The following ETV6 variants were observed in gnomAD, a reference collection of about 807,000 sequenced individuals.
ETV6 encodes ETS variant transcription factor 6, also known as transcription factor ETV6.
Under a neutral mutation model 51.1 loss-of-function variants are expected in ETV6, and 16 were observed. That is an observed-to-expected ratio of 0.31 (90% CI 0.21 to 0.48). ETV6 has a LOEUF of 0.48. Among genes scored for constraint, ETV6 ranks in the 20% least tolerant of loss-of-function variants. The pLI is 0.99. For missense variants in ETV6, 458 were observed against 594.8 expected (o/e 0.77, Z 2.39); for synonymous variants, 240 against 224.1 (o/e 1.07, Z -0.64).
intron 2 of ETV6, among the ~76,000 whole-genome samples, chr12:11,795,195 A>G (rs1945657747): frequency 6.6e-6 from 1 of 152,264 alleles, no homozygotes; most frequent in Admixed American, 6.5e-5. Context: ...TATAATATTT[A>G]TAAAAATAAA....
At chr12:11,684,356 T>C (rs1237538658) in intron 1 of ETV6, among the ~76,000 whole-genome samples, 1 of 152,246 alleles carries the variant, frequency 6.6e-6, no homozygotes, top group Non-Finnish European at 1.5e-5. Flanking sequence ...AAACATATTA[T>C]TTGTGTTTTT....
At chr12:11,747,352 G>T (rs1054447778) in intron 1 of ETV6, among the ~76,000 whole-genome samples, 5 of 152,188 alleles carry the variant, frequency 3.3e-5, no homozygotes, top group Non-Finnish European at 5.9e-5. Flanking sequence ...AAGAAAGCCA[G>T]CTTGGGCCCC....
intron 1 of ETV6, among the ~76,000 whole-genome samples, chr12:11,706,534 C>T (rs1461670594): frequency 1.3e-5 from 2 of 152,218 alleles, no homozygotes; most frequent in African/African-American, 4.8e-5. Context: ...CAGTGTGCTC[C>T]GAGCTTCCAT....
At chr12:11,751,811 T>C (rs768191509) in intron 1 of ETV6, 3 of 504,018 alleles carry the variant, frequency 6.0e-6, no homozygotes, top group Admixed American at 2.0e-5. Context: ...CAAGGAGATA[T>C]TCATTATTGT....
At chr12:11,754,194 C>T (rs2051526) in intron 2 of ETV6, among the ~76,000 whole-genome samples, 15,871 of 152,210 alleles carry the variant, frequency 0.1, 1,187 homozygotes, top group East Asian at 0.3. Context: ...TTATTCATCT[C>T]ACAAATAGTT....
intron 1 of ETV6, among the ~76,000 whole-genome samples, chr12:11,720,998 CA>C (rs1295815028): frequency 7.9e-5 from 12 of 152,016 alleles, no homozygotes; most frequent in Non-Finnish European, 1.6e-4. Context: ...CAGAGAAATG[CA>C]AATCAAAGCC....
chr12:11,792,469 A>G (rs997467237), intron 2 of ETV6, among the ~76,000 whole-genome samples: 1 of 151,988 alleles, frequency 6.6e-6, no homozygotes, highest in African/African-American at 2.4e-5. Context: ...TGGGTGGATC[A>G]TGAGGTCAGG....
At chr12:11,846,314 T>C (rs547336277) in intron 3 of ETV6, among the ~76,000 whole-genome samples, 4 of 152,004 alleles carry the variant, frequency 2.6e-5, no homozygotes, top group Non-Finnish European at 5.9e-5. Flanking sequence ...AATTAAAGAA[T>C]GTGTTACTTA....
intron 5 of ETV6, among the ~76,000 whole-genome samples, chr12:11,872,952 A>C (rs1220718834): frequency 2.0e-5 from 3 of 152,198 alleles, no homozygotes; most frequent in Non-Finnish European, 4.4e-5. Context: ...AGAAATAGGC[A>C]ATATGTGCTT....
intron 2 of ETV6, among the ~76,000 whole-genome samples, chr12:11,753,852 G>T (rs1395174420): frequency 2.0e-5 from 3 of 152,252 alleles, no homozygotes; most frequent in Non-Finnish European, 2.9e-5. Flanking sequence ...TTACGAAGTT[G>T]CTGCCTACTA....
intron 2 of ETV6, among the ~76,000 whole-genome samples, chr12:11,766,114 T>A (rs1216776707): frequency 6.6e-6 from 1 of 152,138 alleles, no homozygotes; most frequent in Non-Finnish European, 1.5e-5. Context: ...CCCCACTTGC[T>A]GGGTGAAAGC....
At chr12:11,701,866 C>G (rs191801734) in intron 1 of ETV6, among the ~76,000 whole-genome samples, 2 of 152,286 alleles carry the variant, frequency 1.3e-5, no homozygotes, top group East Asian at 3.9e-4. Flanking sequence ...GACCTTGAAG[C>G]TGTTCAAGGC....
At chr12:11,739,389 A>G (rs1865767406) in intron 1 of ETV6, among the ~76,000 whole-genome samples, 1 of 152,250 alleles carries the variant, frequency 6.6e-6, no homozygotes, top group Non-Finnish European at 1.5e-5. Context: ...TCCAACCTGC[A>G]GTGCACATGC....
intron 7 of ETV6, among the ~76,000 whole-genome samples, chr12:11,890,143 T>TTTG (rs11414089): frequency 2.0e-5 from 3 of 151,284 alleles, no homozygotes; most frequent in East Asian, 1.9e-4. Context: ...TTTTTTTTTT[T>TTTG]GCCCTTCCAA....
At chr12:11,715,585 G>T (rs2120902142) in intron 1 of ETV6, among the ~76,000 whole-genome samples, 1 of 152,354 alleles carries the variant, frequency 6.6e-6, no homozygotes, top group African/African-American at 2.4e-5. Flanking sequence ...GCTACGCTGT[G>T]CCATCTACTC....
chr12:11,880,530 G>C (rs185583928), intron 5 of ETV6, among the ~76,000 whole-genome samples: 1 of 152,132 alleles, frequency 6.6e-6, no homozygotes, highest in Non-Finnish European at 1.5e-5. Context: ...TCTGGTTCAC[G>C]TTTCACTGTT....
At chr12:11,671,978 A>G (rs1324528259) in intron 1 of ETV6, among the ~76,000 whole-genome samples, 1 of 149,784 alleles carries the variant, frequency 6.7e-6, no homozygotes, top group African/African-American at 2.4e-5. Context: ...TTTGTGCTTC[A>G]TGTTTGGATC....
intron 1 of ETV6, among the ~76,000 whole-genome samples, chr12:11,747,223 C>G (rs1865924760): frequency 6.6e-6 from 1 of 152,104 alleles, no homozygotes; most frequent in Non-Finnish European, 1.5e-5. Context: ...CTTGGAAGTA[C>G]TGATATGTAT....
intron 2 of ETV6, among the ~76,000 whole-genome samples, chr12:11,796,902 T>G (rs1399318543): frequency 6.6e-6 from 1 of 152,052 alleles, no homozygotes. Flanking sequence ...TCCTCCTACC[T>G]GAGCTTCCCA....
Sources: allele counts gnomAD v4.1 joint callset (sites outside exome capture counted in the v4.1 genomes callset), GRCh38; gene constraint gnomAD v4.1.1; transcripts MANE v1.5; gene names NCBI Gene and HGNC (gene_info 2026-07-23, HGNC 2026-07-21).